ESRRB: variants seen among roughly 807,000 people sequenced by gnomAD.
ESRRB encodes the protein estrogen related receptor beta, also known as steroid hormone receptor ERR2.
ESRRB carries 16 observed loss-of-function variants against 46.0 expected under a neutral mutation model. The observed-to-expected ratio is 0.35, with a 90% CI of 0.24 to 0.53. ESRRB has a LOEUF of 0.53. ESRRB is among the 20% of genes least tolerant of loss of function. ESRRB has a pLI of 0.93. For missense variants in ESRRB, 488 were observed against 607.4 expected (o/e 0.80, Z 2.07); for synonymous variants, 246 against 259.6 (o/e 0.95, Z 0.50).
chr14:76,496,545 T>C (rs973836572), intron 6 of ESRRB, among the ~76,000 whole-genome samples: 2 of 152,116 alleles, frequency 1.3e-5, no homozygotes, highest in African/African-American at 4.8e-5. Context: ...GATTGGATTG[T>C]GATGGGGTCA....
chr14:76,385,750 G>A (rs1885201509), intron 1 of ESRRB, among the ~76,000 whole-genome samples: 1 of 152,196 alleles, frequency 6.6e-6, no homozygotes, highest in Non-Finnish European at 1.5e-5. Flanking sequence ...AACTGACCTG[G>A]CCTTTGCATT....
chr14:76,423,998 G>A (rs559207177), intron 1 of ESRRB, among the ~76,000 whole-genome samples: 61 of 152,290 alleles, frequency 4.0e-4, no homozygotes, highest in Non-Finnish European at 7.3e-4. Flanking sequence ...GCTGTCTTCA[G>A]CAGAGGAATG....
intron 2 of ESRRB, among the ~76,000 whole-genome samples, chr14:76,447,243 C>CTCCCTTCCT (rs1888185300): frequency 7.5e-6 from 1 of 133,256 alleles, no homozygotes; most frequent in African/African-American, 2.7e-5. Flanking sequence ...TTTCTAAAGT[C>CTCCCTTCCT]TCCTTCCTTC....
intron 1 of ESRRB, among the ~76,000 whole-genome samples, chr14:76,332,537 A>G (rs1017450114): frequency 6.9e-4 from 62 of 89,884 alleles, no homozygotes; most frequent in Admixed American, 1.2e-3. Context: ...TATATACAAT[A>G]TAATATATAT....
At chr14:76,463,166 C>A in intron 3 of ESRRB, 1 of 216,382 alleles carries the variant, frequency 4.6e-6, no homozygotes, top group Non-Finnish European at 9.3e-6. Flanking sequence ...TCTTCCCATC[C>A]TCTCCCTTCC....
intron 3 of ESRRB, among the ~76,000 whole-genome samples, chr14:76,467,377 T>C (rs540918295): frequency 2.6e-5 from 4 of 151,800 alleles, no homozygotes; most frequent in South Asian, 2.1e-4. Flanking sequence ...GGCACGCGCA[T>C]GTAATCCCAG....
rs1240468625 is a variant in ESRRB at position 76,474,812 on chromosome 14, G to A, written c.578-7204G>A. 1.5e-4 allele frequency among the ~76,000 whole-genome samples: 21 copies of A among 139,994 alleles called. No individual in the cohort carries two copies. In the Admixed American group the frequency reaches 1.6e-3, roughly 11 times the overall value. 91.8% of individuals were successfully genotyped at this position (139,994 alleles called of 152,430 possible). On this transcript the variant is annotated intron_variant, in intron 3 of 6. Coordinates refer to ENST00000644823, the MANE Select transcript of ESRRB (RefSeq NM_001379180.1). ...AGCCTGGGTGACAAACTGCGACCCT[G>A]TCTCAAACAAAACAAAACAAAACAA...
At chr14:76,484,562 G>A (rs1448877375) in intron 5 of ESRRB, among the ~76,000 whole-genome samples, 3 of 151,878 alleles carry the variant, frequency 2.0e-5, no homozygotes, top group South Asian at 2.1e-4. Flanking sequence ...AATGGCTCAC[G>A]AGTGGCGCCT....
chr14:76,403,600 G>A (rs1886034465), intron 1 of ESRRB, among the ~76,000 whole-genome samples: 1 of 152,110 alleles, frequency 6.6e-6, no homozygotes, highest in African/African-American at 2.4e-5. Flanking sequence ...TGCCTTGTTG[G>A]TGACAGAGAG....
At chr14:76,390,217 G>A (rs779732440) in intron 1 of ESRRB, among the ~76,000 whole-genome samples, 11 of 152,180 alleles carry the variant, frequency 7.2e-5, no homozygotes, top group African/African-American at 1.9e-4. Flanking sequence ...GGCTGAGTGC[G>A]GTGGCTCACG....
intron 1 of ESRRB, among the ~76,000 whole-genome samples, chr14:76,400,075 C>T (rs545747808): frequency 1.0e-3 from 157 of 152,272 alleles, no homozygotes; most frequent in African/African-American, 3.5e-3. Context: ...CTGGGAGGGC[C>T]GAATGAGCCA....
chr14:76,451,772 G>T lies in ESRRB; in HGVS notation c.461-10773G>T, dbSNP rs548938148. Among the ~76,000 whole-genome samples the T allele has an allele frequency of 2.0e-5, 3 of 149,894 alleles. No individual in the cohort carries two copies. In the East Asian group the frequency reaches 5.9e-4, roughly 29 times the overall value. ...CCAGCAGCTGGGATTACAGGTGTGG[G>T]CCACCATGCCCAGCTAATTTTTTTT... On this transcript the variant is annotated intron_variant, in intron 2 of 6. Transcript: ENST00000644823.
At chr14:76,344,466 T>G (rs1170813345) in intron 1 of ESRRB, among the ~76,000 whole-genome samples, 1 of 151,972 alleles carries the variant, frequency 6.6e-6, no homozygotes, top group East Asian at 1.9e-4. Context: ...TGTATCATTC[T>G]TATGCCTTTG....
At chr14:76,317,528 G>A (rs1038819854) in intron 1 of ESRRB, among the ~76,000 whole-genome samples, 3 of 152,086 alleles carry the variant, frequency 2.0e-5, no homozygotes, top group Non-Finnish European at 4.4e-5. Context: ...AATGAAGGGT[G>A]CCTAGGGCCT....
chr14:76,342,314 G>A (rs1208723270), intron 1 of ESRRB, among the ~76,000 whole-genome samples: 1 of 152,132 alleles, frequency 6.6e-6, no homozygotes, highest in African/African-American at 2.4e-5. Context: ...CCTTTCAGAA[G>A]AGGTGGCATT....
intron 1 of ESRRB, chr14:76,311,006 CTCTCTCTCT>C: frequency 2.3e-6 from 1 of 437,244 alleles, no homozygotes. Flanking sequence ...CTCTCTCTCT[CTCTCTCTCT>C]CTCTCAATGG....
chr14:76,416,830 C>T (rs563982583), intron 1 of ESRRB, among the ~76,000 whole-genome samples: 41 of 151,772 alleles, frequency 2.7e-4, no homozygotes, highest in Non-Finnish European at 4.7e-4. Flanking sequence ...TGTCTTGATT[C>T]TGAGATAAAA....
intron 1 of ESRRB, among the ~76,000 whole-genome samples, chr14:76,335,787 G>A (rs1323273163): frequency 6.6e-6 from 1 of 152,176 alleles, no homozygotes; most frequent in Non-Finnish European, 1.5e-5. Flanking sequence ...CCCCTGTCCT[G>A]ATTCTGCAAG....
At chr14:76,316,767 G>C (rs1214948351) in intron 1 of ESRRB, among the ~76,000 whole-genome samples, 1 of 152,010 alleles carries the variant, frequency 6.6e-6, no homozygotes, top group East Asian at 1.9e-4. Context: ...AATGAGATGA[G>C]TCTTTTATCA....
Sources: gnomAD v4.1 joint callset for allele counts (sites outside exome capture counted in the v4.1 genomes callset) on GRCh38, gnomAD v4.1.1 for gene constraint, MANE v1.5 for transcripts, NCBI Gene and HGNC (gene_info 2026-07-23, HGNC 2026-07-21) for gene names.